FAM227B: variants seen among roughly 807,000 people sequenced by gnomAD.
The protein encoded by FAM227B is protein FAM227B.
A neutral mutation model predicts 73.8 loss-of-function variants in FAM227B; 88 were observed. That is an observed-to-expected ratio of 1.19 (90% confidence interval 1.00 to 1.42). FAM227B has a LOEUF of 1.42. Among genes scored for constraint, FAM227B ranks in the 40% most tolerant of loss-of-function variants. The probability of loss-of-function intolerance (pLI) is 0.00; values close to 1 mark genes in which losing one functional copy is unlikely to be tolerated. For synonymous variants in FAM227B, 210 were observed against 190.5 expected, an observed-to-expected ratio of 1.10 and a Z score of -0.84; for missense variants, 632 against 590.9, an observed-to-expected ratio of 1.07 and a Z score of -0.72.
At chr15:49,571,358 C>T (rs1248100321) in intron 8 of FAM227B, among the ~76,000 whole-genome samples, 1 of 151,824 alleles carries the variant, frequency 6.6e-6, no homozygotes, top group Non-Finnish European at 1.5e-5. Context: ...TTTAGTTTGA[C>T]GCAATTCCAT....
chr15:49,353,223 G>C (rs547060373), intron 13 of FAM227B, among the ~76,000 whole-genome samples: 16 of 152,220 alleles, frequency 1.1e-4, no homozygotes, highest in Admixed American at 9.8e-4. Context: ...TATGAATGGA[G>C]AAGAGGCTCA....
chr15:49,538,282 C>G (rs1390431918), intron 10 of FAM227B, among the ~76,000 whole-genome samples: 2 of 152,188 alleles, frequency 1.3e-5, no homozygotes, highest in Non-Finnish European at 2.9e-5. Context: ...TCCTTTTCCT[C>G]AGCCTACTCA....
chr15:49,357,779 A>G (rs1442147570), intron 13 of FAM227B, among the ~76,000 whole-genome samples: 1 of 152,144 alleles, frequency 6.6e-6, no homozygotes. Context: ...GCAGAGACAC[A>G]ACAAAAAAAG....
chr15:49,452,357 C>G (rs932298622), intron 11 of FAM227B, among the ~76,000 whole-genome samples: 2 of 152,048 alleles, frequency 1.3e-5, no homozygotes, highest in Non-Finnish European at 2.9e-5. Flanking sequence ...CCGGCCCCAA[C>G]CAGAATTTTA....
chr15:49,427,626 C>G (rs189173734), intron 11 of FAM227B, among the ~76,000 whole-genome samples: 1 of 152,136 alleles, frequency 6.6e-6, no homozygotes, highest in East Asian at 1.9e-4. Flanking sequence ...AGTCCCCAAT[C>G]TTTTCTCATG....
At chr15:49,606,732 A>C (rs2153320919) in intron 3 of FAM227B, among the ~76,000 whole-genome samples, 1 of 152,288 alleles carries the variant, frequency 6.6e-6, no homozygotes, top group Non-Finnish European at 1.5e-5. Flanking sequence ...CACCAAGCAA[A>C]CCCTTCTTTC....
At chr15:49,550,782 C>T (rs1490661619) in intron 9 of FAM227B, among the ~76,000 whole-genome samples, 1 of 151,648 alleles carries the variant, frequency 6.6e-6, no homozygotes, top group Non-Finnish European at 1.5e-5. Context: ...GGCAGAGACA[C>T]TCCTCACTTT....
At chr15:49,563,170 C>T (rs1404778138) in intron 9 of FAM227B, among the ~76,000 whole-genome samples, 1 of 152,064 alleles carries the variant, frequency 6.6e-6, no homozygotes, top group Admixed American at 6.5e-5. Context: ...AACCAATGTA[C>T]AAAACTCAGT....
intron 11 of FAM227B, chr15:49,487,969 T>G (rs1375556911): frequency 6.6e-6 from 1 of 151,914 alleles, no homozygotes; most frequent in Admixed American, 6.6e-5. Flanking sequence ...AATCCAACTT[T>G]ACACATAAAT....
rs573155241 is a variant in FAM227B, at chr15:49,492,077, T to A, written c.1012+16134A>T. ...TTGCCATACAAAGGTCTGTGTTATA[T>A]ATTGGCAAGTCCTTTAGAATCTGTT... is the stretch of plus-strand genomic sequence containing the variant. On this transcript the variant is annotated intron_variant, in intron 11 of 15. Transcript: ENST00000299338. Among the ~76,000 whole-genome samples the A allele has an allele frequency of 8.8e-4, 134 of 152,022 alleles. 5 individuals carry two copies. In the South Asian group the frequency reaches 0.027, roughly 30 times the overall value.
chr15:49,567,319 A>T (rs2152348474), intron 9 of FAM227B, among the ~76,000 whole-genome samples: 1 of 152,262 alleles, frequency 6.6e-6, no homozygotes, highest in Middle Eastern at 3.4e-3. Flanking sequence ...CAACCTCTTC[A>T]TGTGATATAC....
intron 11 of FAM227B, among the ~76,000 whole-genome samples, chr15:49,505,259 G>A (rs1249742158): frequency 6.6e-6 from 1 of 152,090 alleles, no homozygotes; most frequent in South Asian, 2.1e-4. Context: ...TTGGTGGCAA[G>A]AAGGAATTAC....
At chr15:49,610,957 T>A (rs1426701358) in intron 3 of FAM227B, among the ~76,000 whole-genome samples, 1 of 152,146 alleles carries the variant, frequency 6.6e-6, no homozygotes, top group Non-Finnish European at 1.5e-5. Flanking sequence ...ACAAAAATCT[T>A]ACAATAACAA....
At chr15:49,479,034 TAAAC>T (rs1036081009) in intron 11 of FAM227B, among the ~76,000 whole-genome samples, 58 of 152,244 alleles carry the variant, frequency 3.8e-4, no homozygotes, top group African/African-American at 1.3e-3. Flanking sequence ...GTTTAAATAA[TAAAC>T]AGACAAAAAG....
intron 13 of FAM227B, among the ~76,000 whole-genome samples, chr15:49,354,399 T>C (rs1362274412): frequency 2.6e-5 from 4 of 152,054 alleles, no homozygotes; most frequent in South Asian, 2.1e-4. Flanking sequence ...GCACCGTGCG[T>C]GAGCCGAAGC....
At chr15:49,336,044 G>A (rs1019775627) in intron 13 of FAM227B, among the ~76,000 whole-genome samples, 2 of 152,112 alleles carry the variant, frequency 1.3e-5, no homozygotes, top group African/African-American at 4.8e-5. Context: ...CTGGGCTCTA[G>A]CAATCCTCCT....
intron 5 of FAM227B, among the ~76,000 whole-genome samples, chr15:49,582,968 A>G (rs1272274890): frequency 6.6e-6 from 1 of 152,192 alleles, no homozygotes; most frequent in Non-Finnish European, 1.5e-5. Flanking sequence ...TCTGGGACAC[A>G]GCTAAGGCAG....
chr15:49,447,077 TG>T lies in FAM227B; in HGVS notation c.1012+61133del, dbSNP rs1174944214. Among the ~76,000 whole-genome samples the T allele has an allele frequency of 7.9e-5, 12 of 151,672 alleles. No individual in the cohort carries two copies. The East Asian group carries it at 2.3e-3, about 29-fold the overall frequency. ...ATTCTACTAACATTACCCTAAACAC[TG>T]AATAAAATCATGTTAAAGGTCAAAT... On this transcript the variant is annotated intron_variant, in intron 11 of 15. Transcript: ENST00000299338.
chr15:49,585,861 TGAAAA>T (rs2076127022), intron 5 of FAM227B, among the ~76,000 whole-genome samples: 1 of 151,676 alleles, frequency 6.6e-6, no homozygotes, highest in South Asian at 2.1e-4. Flanking sequence ...TAAATTAAAT[TGAAAA>T]GAAATCAGAG....
Sources: gnomAD v4.1 joint callset for allele counts (sites outside exome capture counted in the v4.1 genomes callset) on GRCh38, gnomAD v4.1.1 for gene constraint, MANE v1.5 for transcripts, NCBI Gene and HGNC (gene_info 2026-07-23, HGNC 2026-07-21) for gene names.